The following ANKRD45 variants were observed in gnomAD, a reference collection of about 807,000 sequenced individuals.
ANKRD45 encodes ankyrin repeat domain-containing protein 45.
A neutral mutation model predicts 28.1 loss-of-function variants in ANKRD45; 21 were observed. The observed-to-expected ratio is 0.75, with a 90% CI of 0.53 to 1.08. ANKRD45 has a LOEUF of 1.08. Ranked by LOEUF, ANKRD45 falls within the 50% of genes least tolerant of loss-of-function variation. The pLI is 0.00. For synonymous variants in ANKRD45, 86 were observed against 103.9 expected (o/e 0.83, Z 1.05); for missense variants, 261 against 308.7 (o/e 0.85, Z 1.16).
At chr1:173,694,949 T>A in the ANKRD45 span, among the ~76,000 whole-genome samples, 1 of 152,214 alleles carries the variant, frequency 6.6e-6, no homozygotes, top group African/African-American at 2.4e-5. Flanking sequence ...TAACTGAACA[T>A]CTGAATTTAA....
Position 173,608,517 on chromosome 1 carries a change from C to T in ANKRD45, c.*1628G>A, listed in dbSNP as rs980585295. Among the ~76,000 whole-genome samples the T allele has an allele frequency of 2.0e-5, 3 of 151,910 alleles. No individual in the cohort carries two copies. The highest frequency in any genetic ancestry group is 7.3e-5 in the African/African-American group (3 of 41,368). On this transcript the variant is annotated 3_prime_UTR_variant, in exon 6 of 6. Coordinates refer to ENST00000333279, the MANE Select transcript of ANKRD45 (RefSeq NM_198493.3). ...TATTTTTAGTAGAGACAGGGTTTCA[C>T]CATGTTGGCCAGGCTTGTCTCAAAC...
At chr1:173,689,318 G>A in the ANKRD45 span, among the ~76,000 whole-genome samples, 1 of 152,182 alleles carries the variant, frequency 6.6e-6, no homozygotes, top group African/African-American at 2.4e-5. Flanking sequence ...ATTTAAAAGA[G>A]GGTTCGGACC....
At chr1:173,627,818 C>T (rs981447929) in intron 3 of ANKRD45, among the ~76,000 whole-genome samples, 7 of 151,982 alleles carry the variant, frequency 4.6e-5, no homozygotes, top group South Asian at 4.1e-4. Flanking sequence ...TGCTTGCCAC[C>T]GCTCTGCCAA....
In ANKRD45 at chr1:173,636,712, G is replaced by A. The variant is rs1328647651; in HGVS notation, c.497-9553C>T. ...AATTGATGTGTGCTGTTTTAATAAGGTTTGTTTACATATTTAGAACATAAA... is the reference window on the plus strand; with the variant it reads ...AATTGATGTGTGCTGTTTTAATAAGATTTGTTTACATATTTAGAACATAAA... On this transcript the variant is annotated intron_variant, in intron 3 of 5. Transcript: ENST00000333279. The A allele has an allele frequency of 1.2e-5, 9 of 756,414 alleles. No individual in the cohort carries two copies. The East Asian group carries it at 1.6e-4, about 14-fold the overall frequency. 46.9% of individuals were successfully genotyped at this position (756,414 alleles called of 1,614,324 possible).
chr1:173,710,162 A>AAAAC, the ANKRD45 span, among the ~76,000 whole-genome samples: 1 of 152,212 alleles, frequency 6.6e-6, no homozygotes, highest in South Asian at 2.1e-4. Flanking sequence ...TCGTCTCTAC[A>AAAAC]AAACAAACAA....
At chr1:173,688,490 G>T in the ANKRD45 span, among the ~76,000 whole-genome samples, 1 of 96,428 alleles carries the variant, frequency 1.0e-5, no homozygotes, top group Non-Finnish European at 2.0e-5. Flanking sequence ...CTCTCTCTCT[G>T]CCTCTTCCTC....
chr1:173,627,544 G>C (rs930412076), intron 3 of ANKRD45, among the ~76,000 whole-genome samples: 1 of 152,158 alleles, frequency 6.6e-6, no homozygotes, highest in African/African-American at 2.4e-5. Flanking sequence ...ACATGGGGCA[G>C]AATTCAGCTG....
At chr1:173,706,810 C>A in the ANKRD45 span, among the ~76,000 whole-genome samples, 1 of 152,184 alleles carries the variant, frequency 6.6e-6, no homozygotes, top group East Asian at 1.9e-4. Flanking sequence ...CAAGTGTTTC[C>A]TCAGGATAAT....
chr1:173,714,156 AAC>A, the ANKRD45 span, among the ~76,000 whole-genome samples: 1 of 152,216 alleles, frequency 6.6e-6, no homozygotes, highest in African/African-American at 2.4e-5. Context: ...GGAAATCAGC[AAC>A]AGTCTTTCTC....
the ANKRD45 span, among the ~76,000 whole-genome samples, chr1:173,696,524 T>G: frequency 1.3e-5 from 2 of 152,210 alleles, no homozygotes; most frequent in Non-Finnish European, 2.9e-5. Context: ...ATTTACTGAA[T>G]AGGGAGCCCT....
chr1:173,653,616 G>A (rs182660321), intron 2 of ANKRD45, among the ~76,000 whole-genome samples: 42 of 152,286 alleles, frequency 2.8e-4, no homozygotes, highest in African/African-American at 9.4e-4. Context: ...TATTAGGTCT[G>A]CTTGGTGCAG....
At chr1:173,659,043 C>T in intron 2 of ANKRD45, 48 bp downstream of exon 2, 2 of 1,579,304 alleles carry the variant, frequency 1.3e-6, no homozygotes, top group Non-Finnish European at 1.7e-6. Flanking sequence ...TACATTGCAT[C>T]TTTAGGTAGT....
chr1:173,675,598 AG>A, the ANKRD45 span, among the ~76,000 whole-genome samples: 23 of 152,196 alleles, frequency 1.5e-4, no homozygotes, highest in African/African-American at 5.3e-4. Flanking sequence ...TGGGGAACAG[AG>A]GGAGACTCTG....
At chr1:173,636,961 C>A (rs750372115) in intron 3 of ANKRD45, 2 of 1,535,558 alleles carry the variant, frequency 1.3e-6, no homozygotes, top group South Asian at 1.2e-5. Flanking sequence ...ACAGGTCTCA[C>A]CATCCTTCCT....
upstream of ANKRD45, among the ~76,000 whole-genome samples, chr1:173,672,311 T>A (rs7539992): frequency 0.013 from 2,013 of 152,336 alleles, 50 homozygotes; most frequent in African/African-American, 0.047. Flanking sequence ...ACACATTTGC[T>A]CTACTCAACA....
chr1:173,636,786 GT>G, intron 3 of ANKRD45: 1 of 1,409,268 alleles, frequency 7.1e-7, no homozygotes, highest in Non-Finnish European at 9.7e-7. Flanking sequence ...GAACTCTACT[GT>G]TTTATGTAGA....
rs142952978 is a variant in ANKRD45, at chr1:173,652,641, C to T, written c.329-5628G>A. On this transcript the variant is annotated intron_variant, in intron 2 of 5. Transcript: ENST00000333279. ...GAGTTAGGGAGGATTCCCTCTTTTT[C>T]TATTGATTGGAATAGTTTCAGAAGG... Among the ~76,000 whole-genome samples, 747 of 152,206 alleles carry T rather than the reference C, an allele frequency of 4.9e-3. 9 individuals are homozygous for T. Among genetic ancestry groups the T allele is most frequent in the Admixed American group, 0.011 (169 of 15,296 alleles).
In ANKRD45 at chr1:173,652,003, G is replaced by A. The variant is rs140982638; in HGVS notation, c.329-4990C>T. 4.2e-3 allele frequency among the ~76,000 whole-genome samples: 643 copies of A among 152,278 alleles called. 6 individuals are homozygous for A. Among genetic ancestry groups the A allele is most frequent in the African/African-American group, 0.015 (603 of 41,556 alleles). On this transcript the variant is annotated intron_variant, in intron 2 of 5. Transcript: ENST00000333279. The stretch of plus-strand genomic sequence containing the variant: ...GCTTAAGGAGATTTGGGGCTGAAAC[G>A]ATGGGGTTTTCTAAATACACAATCA...
chr1:173,673,755 G>C (rs1670333089), upstream of ANKRD45, among the ~76,000 whole-genome samples: 1 of 152,088 alleles, frequency 6.6e-6, no homozygotes, highest in Non-Finnish European at 1.5e-5. Context: ...ACTGCTACTT[G>C]TTAGCTATAT....
Sources: gnomAD v4.1 joint callset for allele counts (sites outside exome capture counted in the v4.1 genomes callset) on GRCh38, gnomAD v4.1.1 for gene constraint, MANE v1.5 for transcripts, NCBI Gene and HGNC (gene_info 2026-07-23, HGNC 2026-07-21) for gene names.